SHTN1: variants seen among roughly 807,000 people sequenced by gnomAD.
SHTN1 encodes shootin-1.
Under a neutral mutation model 83.1 loss-of-function variants are expected in SHTN1, and 42 were observed. The ratio of observed to expected loss-of-function variants is 0.51; its 90% CI spans 0.39 to 0.65. SHTN1 has a LOEUF of 0.65. Ranked by LOEUF, SHTN1 falls within the 30% of genes least tolerant of loss-of-function variation. The probability of loss-of-function intolerance (pLI) is 0.00; values close to 1 mark genes in which losing one functional copy is unlikely to be tolerated. For synonymous variants in SHTN1, 224 were observed against 247.7 expected, an observed-to-expected ratio of 0.90 and a Z score of 0.90; for missense variants, 622 against 737.8, an observed-to-expected ratio of 0.84 and a Z score of 1.82.
chr10:117,050,264 GATAA>G (rs1852722236), intron 1 of SHTN1, among the ~76,000 whole-genome samples: 1 of 151,828 alleles, frequency 6.6e-6, no homozygotes, highest in Non-Finnish European at 1.5e-5. Context: ...GACTGATAAA[GATAA>G]AAAGATAAAA....
chr10:117,121,844 AAC>A (rs1428321386), intron 1 of SHTN1, among the ~76,000 whole-genome samples: 1 of 151,946 alleles, frequency 6.6e-6, no homozygotes, highest in East Asian at 2.0e-4. Context: ...CATCCTGGCT[AAC>A]ACAGTGCAAC....
intron 1 of SHTN1, 38 bp downstream of exon 1, chr10:117,004,984 C>A (rs1166865908): frequency 6.4e-7 from 1 of 1,560,150 alleles, no homozygotes. Flanking sequence ...CGCCCACGGG[C>A]CGCGGCTGCC....
Position 116,884,346 on chromosome 10 carries a change from C to A in SHTN1, c.*1998G>T. The A allele has an allele frequency of 2.3e-6, 1 of 432,852 alleles. No individual in the cohort carries two copies. The highest frequency in any genetic ancestry group is 1.6e-5 in the South Asian group (1 of 62,562). 26.8% of individuals were successfully genotyped at this position (432,852 alleles called of 1,614,324 possible). On this transcript the variant is annotated 3_prime_UTR_variant, in exon 17 of 17. Transcript: ENST00000355371. ...GCAGAAAAAGGTGAGTGAATATCTT[C>A]CATCAAATACCTTCATGTCAAATTA...
At chr10:117,026,416 T>G (rs1466183583) in intron 2 of SHTN1, among the ~76,000 whole-genome samples, 1 of 103,360 alleles carries the variant, frequency 9.7e-6, no homozygotes, top group Non-Finnish European at 1.9e-5. Flanking sequence ...GAAATCCAGA[T>G]AGACTTCTTT....
In SHTN1 at chr10:116,881,731, T is replaced by C; in HGVS notation, c.*4613A>G. The C allele has an allele frequency of 8.0e-7, 1 of 1,252,204 alleles. No individual in the cohort carries two copies. The highest frequency in any genetic ancestry group is 1.0e-6 in the Non-Finnish European group (1 of 965,982). The allele number at this position is 1,252,204 out of a possible 1,614,324, so 77.6% of individuals were successfully genotyped here. On this transcript the variant is annotated 3_prime_UTR_variant, in exon 17 of 17. Coordinates refer to ENST00000355371, the MANE Select transcript of SHTN1 (RefSeq NM_001127211.3). The stretch of plus-strand genomic sequence containing the variant: ...TATTAGTAGACCGGGAGGTCTGAAG[T>C]ACGGCGCCGTGTCTCCACATGGAGT...
At position 116,963,973 on chromosome 10, in the gene SHTN1, G is replaced by GTTT. The variant is rs34054568; in HGVS notation, c.173-3746_173-3744dup. On this transcript the variant is annotated intron_variant, in intron 3 of 16. Transcript: ENST00000355371. ...GTACACATCACATTGTAGGGTAACT[G>GTTT]TTTTTTTTTTTTTTTACTTGTTTTT... is the stretch of plus-strand genomic sequence containing the variant. Among the ~76,000 whole-genome samples, 1,151 of 146,086 alleles carry GTTT rather than the reference G, an allele frequency of 7.9e-3. 8 individuals are homozygous for GTTT. Among genetic ancestry groups the GTTT allele is most frequent in the African/African-American group, 0.017 (663 of 39,882 alleles).
chr10:116,940,680 G>T, intron 8 of SHTN1, 68 bp from the exon 9 acceptor site: 1 of 1,270,038 alleles, frequency 7.9e-7, no homozygotes, highest in Non-Finnish European at 1.1e-6. Context: ...TGTAACTTCA[G>T]CAAAAGAAAA....
chr10:116,896,664 T>A (rs2133313234), intron 16 of SHTN1, among the ~76,000 whole-genome samples: 1 of 152,326 alleles, frequency 6.6e-6, no homozygotes, highest in East Asian at 1.9e-4. Flanking sequence ...TTGATCAAAA[T>A]GAATTACTGA....
At chr10:117,065,068 ACAC>A (rs1852955895) in intron 1 of SHTN1, among the ~76,000 whole-genome samples, 1 of 152,196 alleles carries the variant, frequency 6.6e-6, no homozygotes, top group South Asian at 2.1e-4. Context: ...AGAAAACCAA[ACAC>A]CACATGTTCT....
intron 14 of SHTN1, among the ~76,000 whole-genome samples, chr10:116,910,101 A>G (rs1848130427): frequency 6.6e-6 from 1 of 152,122 alleles, no homozygotes; most frequent in Non-Finnish European, 1.5e-5. Flanking sequence ...CTTTCTTTTT[A>G]TCTTTCTTAT....
intron 6 of SHTN1, among the ~76,000 whole-genome samples, chr10:116,949,566 A>G (rs1347543169): frequency 2.0e-5 from 3 of 152,234 alleles, no homozygotes; most frequent in African/African-American, 7.2e-5. Context: ...CCTAATGTAA[A>G]TGACAAGTTA....
At chr10:116,940,747 G>C in intron 8 of SHTN1, 135 bp from the exon 9 acceptor site, 3 of 602,816 alleles carry the variant, frequency 5.0e-6, no homozygotes, top group Middle Eastern at 4.4e-4. Flanking sequence ...ATAAGTTTTA[G>C]AAGTAGTGAT....
intron 1 of SHTN1, among the ~76,000 whole-genome samples, chr10:116,981,366 T>C (rs553318003): frequency 6.6e-6 from 1 of 152,268 alleles, no homozygotes; most frequent in African/African-American, 2.4e-5. Context: ...AAGATTTGAC[T>C]GACCTAGAAT....
chr10:117,076,749 T>G (rs1853161599), intron 1 of SHTN1, among the ~76,000 whole-genome samples: 1 of 152,188 alleles, frequency 6.6e-6, no homozygotes, highest in Admixed American at 6.5e-5. Flanking sequence ...AAACATTAAC[T>G]TTTAGAAAGA....
chr10:116,993,969 T>C (rs1389036392), intron 1 of SHTN1, among the ~76,000 whole-genome samples: 2 of 152,156 alleles, frequency 1.3e-5, no homozygotes, highest in African/African-American at 2.4e-5. Context: ...TAAAGATATC[T>C]GAGTCTGTTA....
At chr10:117,120,042 G>A (rs1274037008) in intron 1 of SHTN1, among the ~76,000 whole-genome samples, 2 of 152,054 alleles carry the variant, frequency 1.3e-5, no homozygotes, top group African/African-American at 4.8e-5. Context: ...AAGGGTAGTC[G>A]GGAGCAGTGG....
At chr10:116,962,551 A>G (rs2133444599) in intron 3 of SHTN1, among the ~76,000 whole-genome samples, 1 of 152,330 alleles carries the variant, frequency 6.6e-6, no homozygotes, top group East Asian at 1.9e-4. Flanking sequence ...CTTACTTTTT[A>G]TTCAATAACA....
intron 11 of SHTN1, among the ~76,000 whole-genome samples, chr10:116,925,945 C>T (rs541863954): frequency 1.3e-5 from 2 of 151,958 alleles, no homozygotes; most frequent in Admixed American, 6.6e-5. Context: ...ATTCAAAATC[C>T]ACTCAAACTC....
At chr10:117,020,217 C>T (rs1207859434) in intron 2 of SHTN1, among the ~76,000 whole-genome samples, 3 of 151,702 alleles carry the variant, frequency 2.0e-5, no homozygotes, top group East Asian at 3.9e-4. Flanking sequence ...AGTCCGGGCA[C>T]GGTGGCTCAT....
Sources: allele counts gnomAD v4.1 joint callset (sites outside exome capture counted in the v4.1 genomes callset), GRCh38; gene constraint gnomAD v4.1.1; transcripts MANE v1.5; gene names NCBI Gene and HGNC (gene_info 2026-07-23, HGNC 2026-07-21).